Variants in DAO observed in about 807,000 individuals in gnomAD.
DAO encodes D-amino-acid oxidase.
DAO carries 51 observed loss-of-function variants against 50.1 expected under a neutral mutation model. The ratio of observed to expected loss-of-function variants is 1.02; its 90% confidence interval spans 0.81 to 1.29. The LOEUF is 1.29. Among genes scored for constraint, DAO ranks in the 50% most tolerant of loss-of-function variants. DAO has a pLI of 0.00. For synonymous variants in DAO, 160 were observed against 166.2 expected, an observed-to-expected ratio of 0.96 and a Z score of 0.29; for missense variants, 436 against 439.4, an observed-to-expected ratio of 0.99 and a Z score of 0.07.
intron 4 of DAO, among the ~76,000 whole-genome samples, chr12:108,889,841 C>T (rs1247918482): frequency 6.6e-6 from 1 of 152,146 alleles, no homozygotes; most frequent in African/African-American, 2.4e-5. Flanking sequence ...CCTAAGGTCA[C>T]ACAGCCAAGT....
chr12:108,881,849 G>T (rs1331356088), intron 1 of DAO, among the ~76,000 whole-genome samples: 6 of 151,876 alleles, frequency 4.0e-5, no homozygotes, highest in Non-Finnish European at 2.9e-5. Context: ...CAAGTGATCT[G>T]CCAGCCTCGA....
rs553140906 is a variant in DAO at position 108,900,556 on chromosome 12, TC to T, written c.*27del. On this transcript the variant is annotated 3_prime_UTR_variant, in exon 11 of 11. Transcript: ENST00000228476. ...TCTGAAGACTCCAGTGACTGCTGCC[TC>T]CCCCCACAAGAACTCCCTTCTCCCC... The T allele has an allele frequency of 4.9e-5, 79 of 1,612,552 alleles. No individual in the cohort carries two copies. The East Asian group carries it at 1.6e-3, about 33-fold the overall frequency.
intron 8 of DAO, among the ~76,000 whole-genome samples, chr12:108,898,097 C>T (rs963443110): frequency 6.6e-5 from 10 of 151,786 alleles, no homozygotes; most frequent in East Asian, 1.9e-4. Context: ...TTGTTGATAG[C>T]GGAATGGTGG....
chr12:108,898,635 G>C lies in DAO; in HGVS notation c.696-44G>C, dbSNP rs754113979. 4.0e-5 allele frequency: 52 copies of C among 1,302,002 alleles called. No individual in the cohort carries two copies. In the South Asian group the frequency reaches 6.1e-4, roughly 15 times the overall value. The allele number at this position is 1,302,002 out of a possible 1,614,324, so 80.7% of individuals were successfully genotyped here. A position where few individuals can be genotyped will look rare whatever the true frequency, so the allele number is the denominator to read the frequency against. On this transcript the variant is annotated intron_variant, in intron 8 of 10. Transcript: ENST00000228476. ...GGTAATGACCTTTATTCATCTCAGAGCCTTCATTTTCCTTCATCCTTGACC... is the reference window on the plus strand; with the variant it reads ...GGTAATGACCTTTATTCATCTCAGACCCTTCATTTTCCTTCATCCTTGACC...
intron 3 of DAO, among the ~76,000 whole-genome samples, chr12:108,889,210 A>G (rs2137348338): frequency 6.6e-6 from 1 of 152,078 alleles, no homozygotes; most frequent in South Asian, 2.1e-4. Context: ...GATTCAAGCA[A>G]TTCTCCTGCC....
chr12:108,891,831 C>T (rs545013915), intron 5 of DAO, among the ~76,000 whole-genome samples: 2 of 152,108 alleles, frequency 1.3e-5, no homozygotes, highest in Non-Finnish European at 2.9e-5. Flanking sequence ...AACCCCTGGG[C>T]TCAAGCAATC....
chr12:108,884,665 A>G (rs548256970), intron 1 of DAO, among the ~76,000 whole-genome samples: 11 of 152,148 alleles, frequency 7.2e-5, no homozygotes, highest in African/African-American at 2.6e-4. Flanking sequence ...CCACCGGCCT[A>G]CCCAGCCTAC....
At chr12:108,886,927 C>A (rs898318023) in intron 2 of DAO, among the ~76,000 whole-genome samples, 2 of 152,198 alleles carry the variant, frequency 1.3e-5, no homozygotes, top group Admixed American at 6.6e-5. Flanking sequence ...GCAGAAGGAT[C>A]ATGCAGGACC....
chr12:108,887,033 C>T (rs1217738204), intron 2 of DAO, among the ~76,000 whole-genome samples: 1 of 152,084 alleles, frequency 6.6e-6, no homozygotes, highest in Non-Finnish European at 1.5e-5. Flanking sequence ...GAGCTGTGTG[C>T]CCAGGGGGAG....
intron 5 of DAO, among the ~76,000 whole-genome samples, chr12:108,892,536 C>A (rs1223005162): frequency 6.6e-6 from 1 of 152,192 alleles, no homozygotes; most frequent in East Asian, 1.9e-4. Flanking sequence ...TGGATGTCCT[C>A]AGCCCACCTC....
intron 2 of DAO, 52 bp from the exon 3 acceptor site, chr12:108,887,398 T>G: frequency 2.2e-6 from 3 of 1,392,446 alleles, no homozygotes; most frequent in Non-Finnish European, 3.1e-6. Context: ...GACCTAAGGT[T>G]TTTTGCCCAG....
intron 5 of DAO, among the ~76,000 whole-genome samples, chr12:108,891,811 G>T (rs2039495072): frequency 6.6e-6 from 1 of 152,038 alleles, no homozygotes; most frequent in African/African-American, 2.4e-5. Context: ...TGTTGCCCAG[G>T]CTGGTCTCAA....
intron 7 of DAO, among the ~76,000 whole-genome samples, chr12:108,896,204 A>G (rs1489329505): frequency 6.6e-6 from 1 of 151,872 alleles, no homozygotes; most frequent in African/African-American, 2.4e-5. Flanking sequence ...CAGGTGGATC[A>G]CGAGGTCAGG....
At chr12:108,884,889 G>C in intron 1 of DAO, 109 bp from the exon 2 acceptor site, 1 of 1,003,782 alleles carries the variant, frequency 1.0e-6, no homozygotes, top group Non-Finnish European at 1.6e-6. Flanking sequence ...TATAAAAAGG[G>C]CTTGGTGGTG....
At chr12:108,885,793 C>T (rs879826292) in intron 2 of DAO, among the ~76,000 whole-genome samples, 2 of 152,086 alleles carry the variant, frequency 1.3e-5, no homozygotes, top group Non-Finnish European at 2.9e-5. Context: ...TCACTCTTGT[C>T]GCCCAGACTG....
At chr12:108,885,515 C>T (rs896252207) in intron 2 of DAO, among the ~76,000 whole-genome samples, 3 of 152,034 alleles carry the variant, frequency 2.0e-5, no homozygotes, top group Admixed American at 6.6e-5. Context: ...GAGGCTGAGG[C>T]AGGAAAACCA....
chr12:108,898,632 A>G (rs2039587837), intron 8 of DAO, 47 bp from the exon 9 acceptor site: 8 of 1,286,052 alleles, frequency 6.2e-6, no homozygotes, highest in Non-Finnish European at 9.1e-6. Flanking sequence ...TATTCATCTC[A>G]GAGCCTTCAT....
Position 108,886,562 on chromosome 12 carries a change from C to T in DAO, c.195-888C>T, listed in dbSNP as rs140460910. Among the ~76,000 whole-genome samples, 4 of 152,268 alleles carry T rather than the reference C, an allele frequency of 2.6e-5. No homozygotes were observed. The East Asian group carries it at 5.8e-4, about 22-fold the overall frequency. On this transcript the variant is annotated intron_variant, in intron 2 of 10. Transcript: ENST00000228476. ...CTCATTGCAGCCTTGACCTCCTGGG[C>T]TCAAGTGATCCTCCCACCTCAGCCT... is the stretch of plus-strand genomic sequence containing the variant.
intron 3 of DAO, among the ~76,000 whole-genome samples, chr12:108,889,230 T>G (rs2039464221): frequency 6.6e-6 from 1 of 152,030 alleles, no homozygotes; most frequent in South Asian, 2.1e-4. Context: ...CTCAATCTCC[T>G]GAGTATCTAG....
Sources: allele counts gnomAD v4.1 joint callset (sites outside exome capture counted in the v4.1 genomes callset), GRCh38; gene constraint gnomAD v4.1.1; transcripts MANE v1.5; gene names NCBI Gene and HGNC (gene_info 2026-07-23, HGNC 2026-07-21).